Variants in SP110 observed in about 807,000 individuals in gnomAD.
SP110 encodes interferon-induced protein 41, 30kD.
SP110 carries 62 observed loss-of-function variants against 92.7 expected under a neutral mutation model. The ratio of observed to expected loss-of-function variants is 0.67; its 90% CI spans 0.55 to 0.83. The LOEUF is 0.83. SP110 is among the 40% of genes least tolerant of loss of function. The probability of loss-of-function intolerance (pLI) is 0.00; values close to 1 mark genes in which losing one functional copy is unlikely to be tolerated. For missense variants in SP110, 793 were observed against 863.9 expected (o/e 0.92, Z 1.03); for synonymous variants, 273 against 305.3 (o/e 0.89, Z 1.10).
intron 14 of SP110, among the ~76,000 whole-genome samples, chr2:230,175,286 T>C (rs755866607): frequency 6.6e-6 from 1 of 152,134 alleles, no homozygotes; most frequent in Non-Finnish European, 1.5e-5. Context: ...ACAAAACCAT[T>C]TGGTGGCTTT....
chr2:230,210,201 CAG>C (rs1175311307), intron 6 of SP110, among the ~76,000 whole-genome samples, 193 bp from the exon 7 acceptor site: 1 of 152,210 alleles, frequency 6.6e-6, no homozygotes, highest in Non-Finnish European at 1.5e-5. Flanking sequence ...GCGACCATCA[CAG>C]GGAACTAGGG....
At chr2:230,224,470 GGAGGGAGAGA>G (rs1559195774), upstream of SP110, among the ~76,000 whole-genome samples, 5 of 141,946 alleles carry the variant, frequency 3.5e-5, no homozygotes, top group South Asian at 6.4e-4. Context: ...GGAGGGAGAG[GGAGGGAGAGA>G]GAGGGAGAGA....
At chr2:230,224,881 G>A (rs547175616), upstream of SP110, among the ~76,000 whole-genome samples, 6 of 152,230 alleles carry the variant, frequency 3.9e-5, no homozygotes, top group South Asian at 1.2e-3. Flanking sequence ...TAGTCCTGTG[G>A]TTATATTTTT....
At chr2:230,215,932 C>T (rs1391142386) in intron 2 of SP110, among the ~76,000 whole-genome samples, 1 of 152,180 alleles carries the variant, frequency 6.6e-6, no homozygotes, top group Non-Finnish European at 1.5e-5. Flanking sequence ...CTGAGGAGTG[C>T]TCTCTGGGCT....
In SP110 at chr2:230,200,877, A is replaced by C. The variant is rs770087375; in HGVS notation, c.1129+8T>G. On this transcript the variant is annotated splice_region_variant and intron_variant, in intron 10 of 18. Coordinates refer to ENST00000258381, the MANE Select transcript of SP110 (RefSeq NM_080424.4). Reference sequence around the variant, plus strand: ...TGTACTCTGAGACCAGCAATCTCCAAGTTTTACCTTGTGTGACCCTTCGTG... The same window carrying C: ...TGTACTCTGAGACCAGCAATCTCCACGTTTTACCTTGTGTGACCCTTCGTG... The C allele has an allele frequency of 4.4e-6, 7 of 1,605,076 alleles. No individual in the cohort carries two copies. The South Asian group carries it at 6.6e-5, about 15-fold the overall frequency.
chr2:230,189,646 T>C (rs1453716946), intron 10 of SP110, among the ~76,000 whole-genome samples: 2 of 152,140 alleles, frequency 1.3e-5, no homozygotes, highest in Non-Finnish European at 2.9e-5. Context: ...GCATGTGCCA[T>C]GGTGGCTTGC....
rs2078331882 is a variant in SP110 at position 230,167,677 on chromosome 2, G to A, written c.*1447C>T. On this transcript the variant is annotated 3_prime_UTR_variant, in exon 19 of 19. Coordinates refer to ENST00000258381, the MANE Select transcript of SP110 (RefSeq NM_080424.4). ...GGTAAGGTCTATTCTCCCTCCTTCT[G>A]AATCTGTCCCTGTGACTTGCTTTCA... is the stretch of plus-strand genomic sequence containing the variant. 6.6e-6 allele frequency: 1 copy of A among 152,146 alleles called. No individual in the cohort carries two copies. The highest frequency in any genetic ancestry group is 6.5e-5 in the Admixed American group (1 of 15,280). The allele number at this position is 152,146 out of a possible 1,614,324, so 9.4% of individuals were successfully genotyped here.
chr2:230,176,564 C>T, intron 14 of SP110: 1 of 1,608,504 alleles, frequency 6.2e-7, no homozygotes, highest in Non-Finnish European at 8.5e-7. Context: ...ATGCCATGCC[C>T]AAATGTGGAG....
At position 230,172,554 on chromosome 2, in the gene SP110, T is replaced by C; in HGVS notation, c.1706+290A>G. 3 of 528,668 alleles carry C rather than the reference T, an allele frequency of 5.7e-6. No homozygotes were observed. The South Asian group carries it at 6.3e-5, about 11-fold the overall frequency. The allele number at this position is 528,668 out of a possible 1,614,324, so 32.7% of individuals were successfully genotyped here. ...GAAATGTGTGACAAGCCGTGCTTCC[T>C]GTCTTTCCTCAACAGGCACAGAACA... is the stretch of plus-strand genomic sequence containing the variant. On this transcript the variant is annotated intron_variant, in intron 15 of 18. Coordinates refer to ENST00000258381, the MANE Select transcript of SP110 (RefSeq NM_080424.4).
Position 230,168,145 on chromosome 2 carries a change from C to T in SP110, c.*979G>A, listed in dbSNP as rs751783142. 1.5e-5 allele frequency: 2 copies of T among 134,810 alleles called. No homozygotes were observed. The highest frequency in any genetic ancestry group is 3.2e-5 in the Non-Finnish European group (2 of 62,192). The allele number at this position is 134,810 out of a possible 1,614,324, so 8.4% of individuals were successfully genotyped here. On this transcript the variant is annotated 3_prime_UTR_variant, in exon 19 of 19. Coordinates refer to ENST00000258381, the MANE Select transcript of SP110 (RefSeq NM_080424.4). ...AAAAAAAAAAAAAAGAAAAAGTGGG[C>T]AACTCAAGCATCAATAAAGGTATTA...
At chr2:230,221,695 T>C (rs536555452), upstream of SP110, 59 of 1,535,966 alleles carry the variant, frequency 3.8e-5, no homozygotes, top group African/African-American at 7.4e-4. Context: ...AAATGTCACA[T>C]GTCACTTACC....
At chr2:230,183,885 AT>A (rs1166086513) in intron 11 of SP110, among the ~76,000 whole-genome samples, 1 of 152,202 alleles carries the variant, frequency 6.6e-6, no homozygotes, top group East Asian at 1.9e-4. Flanking sequence ...ATGTCAATAC[AT>A]TTACTACAAA....
rs2044656020 is a variant in SP110, at chr2:230,212,929, G to T, written c.415C>A (p.Leu139Met). 6.2e-7 allele frequency: 1 copy of T among 1,614,108 alleles called. No individual in the cohort carries two copies. Among genetic ancestry groups the T allele is most frequent in the Non-Finnish European group, 8.5e-7 (1 of 1,180,006 alleles). ...EGSSLHTPLA[L>M]PPPQPPQPSC... ...GGTTGAGGGGGTTGTGGTGGGGGCA[G>T]CGCCAGTGGGGTATGGAGGGAGCTT... Residue 139 changes from leucine to methionine, a missense_variant, in exon 4 of 19, where the codon CTG becomes ATG. Coordinates refer to ENST00000258381, the MANE Select transcript of SP110 (RefSeq NM_080424.4).
In SP110 at chr2:230,186,086, G is replaced by A. The variant is rs2042345184; in HGVS notation, c.1187C>T (p.Thr396Ile). 1 of 1,614,030 alleles carries A rather than the reference G, an allele frequency of 6.2e-7. No homozygotes were observed. The part of the protein sequence containing the change: ...QEKLQVVDKV[T>I]QRKDDSTWNS... ...CCAGGTTGAGTCGTCTTTCCTTTGA[G>A]TCACCTTATCCACCACTTGGAGCTT... The change falls in exon 11 of 19, where the codon ACT becomes ATT. Residue 396 changes from threonine (T) to isoleucine (I), a missense_variant. Thr to Ile is a moderately conservative substitution (Grantham distance 89). Transcript: ENST00000258381.
rs1269233816 is a variant in SP110, at chr2:230,202,697, CTT to C, written c.928_929del (p.Lys310GlufsTer14). On this transcript the variant is annotated frameshift_variant, in exon 9 of 19. Transcript: ENST00000258381. LOFTEE classifies it high-confidence loss of function. Reference sequence around the variant, plus strand: ...GAACCTGATCCACCCTTTTGAGCTTCTTTTGGATTCCGTGTCTAGATGAGGCT... The same window carrying C: ...GAACCTGATCCACCCTTTTGAGCTTCTTGGATTCCGTGTCTAGATGAGGCT... ...GTASSRHGIQ[K>X]KLKRVDQVPQ... 6.2e-7 allele frequency: 1 copy of C among 1,614,126 alleles called. No homozygotes were observed. Among genetic ancestry groups the C allele is most frequent in the Non-Finnish European group, 8.5e-7 (1 of 1,179,994 alleles).
At chr2:230,191,979 A>T (rs1376046290) in intron 10 of SP110, among the ~76,000 whole-genome samples, 3 of 152,348 alleles carry the variant, frequency 2.0e-5, no homozygotes, top group East Asian at 3.9e-4. Flanking sequence ...GGTTGGTTCA[A>T]CATACACAAA....
In SP110 at chr2:230,169,106, A is replaced by C. The variant is rs766278218; in HGVS notation, c.*18T>G. On this transcript the variant is annotated 3_prime_UTR_variant, in exon 19 of 19. Coordinates refer to ENST00000258381, the MANE Select transcript of SP110 (RefSeq NM_080424.4). The stretch of plus-strand genomic sequence containing the variant: ...CTGAATCCTGAGGTGGGGATGCTTC[A>C]GTCTTTACAGAACAGGGTCAAGGAA... The C allele has an allele frequency of 2.7e-6, 4 of 1,505,758 alleles. No individual in the cohort carries two copies. In the African/African-American group the frequency reaches 5.5e-5, roughly 21 times the overall value. The allele number at this position is 1,505,758 out of a possible 1,614,324, so 93.3% of individuals were successfully genotyped here.
chr2:230,212,278 G>T, intron 5 of SP110, 69 bp downstream of exon 5: 1 of 1,169,248 alleles, frequency 8.6e-7, no homozygotes, highest in South Asian at 1.2e-5. Context: ...TAGCCTCTTG[G>T]TTGGCAGACG....
chr2:230,211,488 G>A lies in SP110; in HGVS notation c.733C>T (p.Pro245Ser). ...KEDPQEMPHS[P>S]LGSMPEIRDN... Reference sequence around the variant, plus strand: ...AGATTACCTGGCATAGAGCCCAAGGGAGAGTGGGGCATCTCTTGAGGGTCT... The same window carrying A: ...AGATTACCTGGCATAGAGCCCAAGGAAGAGTGGGGCATCTCTTGAGGGTCT... Residue 245 changes from proline (P) to serine (S), a missense_variant, in exon 6 of 19, where the codon CCC becomes TCC. By Grantham distance (74) the Pro-to-Ser change is moderately conservative. Coordinates refer to ENST00000258381, the MANE Select transcript of SP110 (RefSeq NM_080424.4). The surrounding 1 kb of genome is among the most constrained non-coding windows in gnomAD (Gnocchi z 4.2). 4 of 1,606,378 alleles carry A rather than the reference G, an allele frequency of 2.5e-6. No homozygotes were observed. Among genetic ancestry groups the A allele is most frequent in the Non-Finnish European group, 3.4e-6 (4 of 1,172,880 alleles).
Sources: gnomAD v4.1 joint callset for allele counts (sites outside exome capture counted in the v4.1 genomes callset) on GRCh38, gnomAD v4.1.1 for gene constraint, Gnocchi (gnomAD v3.1) non-coding constraint, MANE v1.5 for transcripts, NCBI Gene and HGNC (gene_info 2026-07-23, HGNC 2026-07-21) for gene names.